Variants in ZNF652 observed in about 807,000 individuals in gnomAD.
ZNF652 encodes zinc finger protein 652.
Under a neutral mutation model 45.2 loss-of-function variants are expected in ZNF652, and 16 were observed. That is an observed-to-expected ratio of 0.35 (90% CI 0.24 to 0.54). The LOEUF is 0.54. ZNF652 is among the 20% of genes least tolerant of loss of function. The pLI is 0.91. For missense variants in ZNF652, 614 were observed against 765.6 expected (o/e 0.80, Z 2.34); for synonymous variants, 250 against 260.6 (o/e 0.96, Z 0.39).
chr17:49,334,139 G>A (rs1394197256), intron 1 of ZNF652, among the ~76,000 whole-genome samples: 1 of 152,070 alleles, frequency 6.6e-6, no homozygotes, highest in East Asian at 1.9e-4. Flanking sequence ...ACTGATGAGT[G>A]GATAAACAAA....
At chr17:49,350,140 C>T (rs1297369758) in intron 1 of ZNF652, among the ~76,000 whole-genome samples, 1 of 152,188 alleles carries the variant, frequency 6.6e-6, no homozygotes, top group East Asian at 1.9e-4. Context: ...GAGAAACACA[C>T]TATGGTTATG....
intron 1 of ZNF652, among the ~76,000 whole-genome samples, chr17:49,337,883 T>C (rs2070102800): frequency 6.6e-6 from 1 of 152,194 alleles, no homozygotes; most frequent in Non-Finnish European, 1.5e-5. Flanking sequence ...AGAGAAAATA[T>C]TTATTCTTTA....
At chr17:49,335,569 T>TA (rs904199293) in intron 1 of ZNF652, among the ~76,000 whole-genome samples, 93 of 151,456 alleles carry the variant, frequency 6.1e-4, no homozygotes, top group African/African-American at 1.7e-3. Flanking sequence ...CTCTTATTAT[T>TA]AAAAAAAAAC....
intron 1 of ZNF652, among the ~76,000 whole-genome samples, chr17:49,320,111 C>T (rs571540811): frequency 3.3e-5 from 5 of 151,876 alleles, no homozygotes; most frequent in African/African-American, 1.2e-4. Context: ...CTTATTGTTC[C>T]CAACTCTTCC....
chr17:49,299,825 G>C (rs2069527611), intron 5 of ZNF652, among the ~76,000 whole-genome samples: 1 of 151,270 alleles, frequency 6.6e-6, no homozygotes. Context: ...TACTACAGGT[G>C]CCAGCTACCA....
chr17:49,337,347 A>AC (rs2070096964), intron 1 of ZNF652, among the ~76,000 whole-genome samples: 1 of 151,100 alleles, frequency 6.6e-6, no homozygotes. Context: ...TAAAAAAAAA[A>AC]AAAAAAAGAA....
At chr17:49,326,257 A>G (rs1244939827) in intron 1 of ZNF652, among the ~76,000 whole-genome samples, 1 of 151,630 alleles carries the variant, frequency 6.6e-6, no homozygotes, top group Non-Finnish European at 1.5e-5. Context: ...AAAAAAAAAA[A>G]AAAAAGAAGT....
At chr17:49,299,123 CTG>C (rs1218151042) in intron 5 of ZNF652, among the ~76,000 whole-genome samples, 199 bp from the exon 6 acceptor site, 2 of 151,722 alleles carry the variant, frequency 1.3e-5, no homozygotes, top group African/African-American at 4.8e-5. Flanking sequence ...GCCTATGAGA[CTG>C]TATTCTAGAG....
intron 1 of ZNF652, among the ~76,000 whole-genome samples, chr17:49,359,377 C>T (rs748334902): frequency 6.6e-6 from 1 of 152,184 alleles, no homozygotes; most frequent in East Asian, 1.9e-4. Context: ...AGAATAAATG[C>T]TATTCTTCAG....
At chr17:49,345,453 C>T (rs1442212793) in intron 1 of ZNF652, among the ~76,000 whole-genome samples, 2 of 151,324 alleles carry the variant, frequency 1.3e-5, no homozygotes, top group South Asian at 2.1e-4. Flanking sequence ...ATGCCCACCT[C>T]GGCCTCCCAA....
chr17:49,352,898 G>A (rs557429850), intron 1 of ZNF652, among the ~76,000 whole-genome samples: 86 of 152,310 alleles, frequency 5.6e-4, no homozygotes, highest in Middle Eastern at 3.4e-3. Flanking sequence ...CATACTATAT[G>A]AGTCCATGTC....
intron 5 of ZNF652, among the ~76,000 whole-genome samples, chr17:49,299,708 C>T (rs1567912616): frequency 1.3e-5 from 2 of 151,946 alleles, no homozygotes; most frequent in African/African-American, 4.8e-5. Flanking sequence ...CAGGATCTTG[C>T]TCTGTCACCC....
At chr17:49,316,240 G>C (rs767146806) in intron 2 of ZNF652, among the ~76,000 whole-genome samples, 2 of 152,170 alleles carry the variant, frequency 1.3e-5, no homozygotes, top group Non-Finnish European at 2.9e-5. Flanking sequence ...CCTACTGCCA[G>C]GTGGGCAACA....
At chr17:49,309,462 T>C (rs1459652892) in intron 5 of ZNF652, among the ~76,000 whole-genome samples, 2 of 151,020 alleles carry the variant, frequency 1.3e-5, no homozygotes, top group Admixed American at 1.3e-4. Context: ...TGAGCCAAGA[T>C]TGTGCCACTG....
intron 1 of ZNF652, among the ~76,000 whole-genome samples, chr17:49,319,580 CT>C (rs1486052495): frequency 7.3e-6 from 1 of 137,552 alleles, no homozygotes; most frequent in Non-Finnish European, 1.5e-5. Flanking sequence ...TTGTAATGAG[CT>C]GAGATCGCGC....
chr17:49,319,681 G>C (rs1221954833), intron 1 of ZNF652, among the ~76,000 whole-genome samples: 3 of 139,460 alleles, frequency 2.2e-5, no homozygotes, highest in African/African-American at 8.0e-5. Context: ...TCACTCCATT[G>C]CCTAGGCTGG....
rs1029024957 is a variant in ZNF652 at position 49,293,678 on chromosome 17, A to C, written c.*4735T>G. 1.9e-4 allele frequency among the ~76,000 whole-genome samples: 28 copies of C among 150,754 alleles called. No individual in the cohort carries two copies. Among genetic ancestry groups the C allele is most frequent in the African/African-American group, 3.2e-4 (13 of 40,776 alleles). ...CCTAAAAAAAAAAAAAAAAAAAAAA[A>C]AAAAAAACTCTTAAGTAATTTCCTA... On this transcript the variant is annotated 3_prime_UTR_variant, in exon 6 of 6. Coordinates refer to ENST00000430262, the MANE Select transcript of ZNF652 (RefSeq NM_001145365.3).
At position 49,317,105 on chromosome 17, in the gene ZNF652, G is replaced by A; in HGVS notation, c.621C>T (p.Pro207=). Residue 207 remains proline, a synonymous_variant, in exon 2 of 6, where the codon CCC becomes CCT. Transcript: ENST00000430262. ...SVAAATTSPT[P]RTTRGRRKSV... is the part of the protein sequence containing the mutation. ...TCTTCCTACGACCTCTTGTAGTTCT[G>A]GGAGTAGGGGAAGTGGTAGCTGCGG... The A allele has an allele frequency of 6.2e-7, 1 of 1,613,994 alleles. No homozygotes were observed. The highest frequency in any genetic ancestry group is 8.5e-7 in the Non-Finnish European group (1 of 1,180,008).
chr17:49,350,892 C>T (rs1338379173), intron 1 of ZNF652, among the ~76,000 whole-genome samples: 1 of 149,532 alleles, frequency 6.7e-6, no homozygotes, highest in Admixed American at 6.7e-5. Flanking sequence ...ATTGCTTGAA[C>T]CCGAGAGGCA....
Sources: gnomAD v4.1 joint callset for allele counts (sites outside exome capture counted in the v4.1 genomes callset) on GRCh38, gnomAD v4.1.1 for gene constraint, MANE v1.5 for transcripts, NCBI Gene and HGNC (gene_info 2026-07-23, HGNC 2026-07-21) for gene names.